Variants in HPSE2 observed in about 807,000 individuals in gnomAD.
HPSE2 encodes the protein inactive heparanase-2.
In HPSE2, 38 loss-of-function variants were observed where a neutral mutation model predicts 60.5. The ratio of observed to expected loss-of-function variants is 0.63; its 90% CI spans 0.48 to 0.82. The LOEUF (loss-of-function observed/expected upper bound fraction) is 0.82. Among genes scored for constraint, HPSE2 ranks in the 40% least tolerant of loss-of-function variants. HPSE2 has a pLI of 0.00. For synonymous variants in HPSE2, 295 were observed against 293.2 expected (o/e 1.01, Z -0.06); for missense variants, 713 against 740.4 (o/e 0.96, Z 0.43).
At chr10:99,122,751 G>A (rs959215173) in intron 3 of HPSE2, among the ~76,000 whole-genome samples, 1 of 152,038 alleles carries the variant, frequency 6.6e-6, no homozygotes, top group Non-Finnish European at 1.5e-5. Flanking sequence ...TAATTTGAAT[G>A]TAATTCCAAA....
the HPSE2 span, among the ~76,000 whole-genome samples, chr10:99,296,570 T>C: frequency 2.0e-5 from 3 of 152,350 alleles, no homozygotes; most frequent in East Asian, 5.8e-4. Context: ...GTCACAGAGC[T>C]GTAACACTGT....
chr10:98,561,716 C>T lies in HPSE2; in HGVS notation c.1320+53188G>A, dbSNP rs554189402. 2.1e-4 allele frequency among the ~76,000 whole-genome samples: 32 copies of T among 152,170 alleles called. No homozygotes were observed. In the South Asian group the frequency reaches 4.1e-3, roughly 20 times the overall value. ...TAAAAAAATTAGCTGGGTGTGGTGG[C>T]GGGCGCCTGCAATTCCAGCTACTTA... On this transcript the variant is annotated intron_variant, in intron 9 of 11. Coordinates refer to ENST00000370552, the MANE Select transcript of HPSE2 (RefSeq NM_021828.5).
At chr10:98,952,757 G>A (rs943135826) in intron 3 of HPSE2, among the ~76,000 whole-genome samples, 2 of 152,118 alleles carry the variant, frequency 1.3e-5, no homozygotes, top group African/African-American at 4.8e-5. Flanking sequence ...TTTGCAGATG[G>A]CTACCTTCTT....
At chr10:98,834,087 A>G (rs7098955) in intron 3 of HPSE2, among the ~76,000 whole-genome samples, 114,320 of 151,968 alleles carry the variant, frequency 0.75, 43,596 homozygotes, top group Non-Finnish European at 0.83. Context: ...CAAATAAACA[A>G]TAACACCCAA....
chr10:98,887,882 A>G (rs1411676093), intron 3 of HPSE2, among the ~76,000 whole-genome samples: 2 of 151,318 alleles, frequency 1.3e-5, no homozygotes, highest in Non-Finnish European at 2.9e-5. Context: ...CACACCCTCA[A>G]TAAGGTACAG....
intron 3 of HPSE2, among the ~76,000 whole-genome samples, chr10:98,770,634 C>G (rs574258809): frequency 3.3e-5 from 5 of 152,046 alleles, no homozygotes; most frequent in Non-Finnish European, 5.9e-5. Context: ...GTCTAAGATG[C>G]CTTCCCTTCT....
the HPSE2 span, among the ~76,000 whole-genome samples, chr10:99,270,547 G>A: frequency 2.4e-4 from 37 of 152,220 alleles, no homozygotes; most frequent in African/African-American, 8.4e-4. Context: ...CACAGCTGAA[G>A]TCTATCAGAC....
At chr10:98,895,430 C>A (rs912782470) in intron 3 of HPSE2, among the ~76,000 whole-genome samples, 10 of 152,204 alleles carry the variant, frequency 6.6e-5, no homozygotes, top group Middle Eastern at 3.4e-3. Context: ...AATGCAGAAT[C>A]CAATTCTGTG....
At chr10:98,798,160 G>C (rs371475787) in intron 3 of HPSE2, among the ~76,000 whole-genome samples, 2 of 152,016 alleles carry the variant, frequency 1.3e-5, no homozygotes, top group Admixed American at 6.6e-5. Flanking sequence ...TCCAGGAGAA[G>C]AGGAGCATGA....
intron 3 of HPSE2, among the ~76,000 whole-genome samples, chr10:98,995,464 T>C (rs190081299): frequency 6.2e-4 from 95 of 152,284 alleles, no homozygotes; most frequent in African/African-American, 2.3e-3. Context: ...TTCAGGTTTG[T>C]TTTTTCAGTG....
the HPSE2 span, among the ~76,000 whole-genome samples, chr10:99,311,478 T>C: frequency 6.6e-6 from 1 of 152,246 alleles, no homozygotes; most frequent in Non-Finnish European, 1.5e-5. Flanking sequence ...TATGGTGATC[T>C]GTAATCAGTA....
At chr10:99,282,687 GA>G in the HPSE2 span, among the ~76,000 whole-genome samples, 1 of 151,822 alleles carries the variant, frequency 6.6e-6, no homozygotes, top group Non-Finnish European at 1.5e-5. Flanking sequence ...AAGAAACCAA[GA>G]AAACAACTAA....
At chr10:99,277,957 C>T in the HPSE2 span, among the ~76,000 whole-genome samples, 3 of 151,950 alleles carry the variant, frequency 2.0e-5, no homozygotes, top group Non-Finnish European at 2.9e-5. Flanking sequence ...ATTAGCTTGG[C>T]GTGGTGGTGC....
intron 2 of HPSE2, among the ~76,000 whole-genome samples, chr10:99,168,866 A>C (rs1045069453): frequency 1.9e-4 from 29 of 152,338 alleles, no homozygotes; most frequent in Non-Finnish European, 1.9e-4. Flanking sequence ...TTCAAGGTAG[A>C]TACCCTTTTT....
intron 3 of HPSE2, among the ~76,000 whole-genome samples, chr10:98,976,546 A>G (rs1956089428): frequency 6.6e-6 from 1 of 152,108 alleles, no homozygotes; most frequent in South Asian, 2.1e-4. Flanking sequence ...TCAATTTAGC[A>G]TGGGTGGTTG....
At chr10:98,750,244 G>A (rs1949728944) in intron 3 of HPSE2, among the ~76,000 whole-genome samples, 1 of 152,154 alleles carries the variant, frequency 6.6e-6, no homozygotes, top group Non-Finnish European at 1.5e-5. Flanking sequence ...ACTGATGAAT[G>A]TGAAGAACAC....
intron 9 of HPSE2, among the ~76,000 whole-genome samples, chr10:98,551,517 A>G (rs2133853565): frequency 6.6e-6 from 1 of 152,278 alleles, no homozygotes; most frequent in Non-Finnish European, 1.5e-5. Context: ...GGGCAGGAGT[A>G]TGATCCGAAC....
chr10:98,777,521 A>G (rs983266526), intron 3 of HPSE2, among the ~76,000 whole-genome samples: 1 of 152,214 alleles, frequency 6.6e-6, no homozygotes, highest in Non-Finnish European at 1.5e-5. Flanking sequence ...AATAATGTGC[A>G]TTATTATATA....
rs540731480 is a variant in HPSE2 at position 99,030,558 on chromosome 10, C to T, written c.610+113680G>A. ...CTATTGGTGGAAATGTAAGTTAGTA[C>T]AACCACTAAGCAGAACAGTTTGGAG... On this transcript the variant is annotated intron_variant, in intron 3 of 11. Coordinates refer to ENST00000370552, the MANE Select transcript of HPSE2 (RefSeq NM_021828.5). Among the ~76,000 whole-genome samples the T allele has an allele frequency of 5.3e-5, 8 of 152,260 alleles. No homozygotes were observed. The East Asian group carries it at 1.4e-3, about 26-fold the overall frequency.
Sources: gnomAD v4.1 joint callset for allele counts (sites outside exome capture counted in the v4.1 genomes callset) on GRCh38, gnomAD v4.1.1 for gene constraint, MANE v1.5 for transcripts, NCBI Gene and HGNC (gene_info 2026-07-23, HGNC 2026-07-21) for gene names.